Variants in ANKRD12 observed in about 807,000 individuals in gnomAD.
ANKRD12 encodes ankyrin repeat domain 12, also known as ankyrin repeat domain-containing protein 12.
In ANKRD12, 85 loss-of-function variants were observed where a neutral mutation model predicts 183.4. That is an observed-to-expected ratio of 0.46 (90% confidence interval 0.39 to 0.56). The LOEUF (loss-of-function observed/expected upper bound fraction) is 0.56. Among genes scored for constraint, ANKRD12 ranks in the 20% least tolerant of loss-of-function variants. ANKRD12 has a pLI of 0.00. For missense variants in ANKRD12, 2,405 were observed against 2,357.1 expected (o/e 1.02, Z -0.42); for synonymous variants, 914 against 800.2 (o/e 1.14, Z -2.40).
chr18:9,140,085 T>TG (rs2078264945), intron 1 of ANKRD12, among the ~76,000 whole-genome samples: 6 of 152,202 alleles, frequency 3.9e-5, no homozygotes, highest in Non-Finnish European at 8.8e-5. Context: ...TTCAGAACCT[T>TG]GCCTTCTATC....
intron 11 of ANKRD12, 137 bp downstream of exon 11, chr18:9,275,804 C>A: frequency 2.6e-6 from 2 of 780,422 alleles, no homozygotes; most frequent in Non-Finnish European, 3.8e-6. Flanking sequence ...CTCTTTCAAG[C>A]CAGAGTACTT....
At chr18:9,272,963 G>T (rs1429096886) in intron 10 of ANKRD12, among the ~76,000 whole-genome samples, 1 of 151,692 alleles carries the variant, frequency 6.6e-6, no homozygotes, top group South Asian at 2.1e-4. Context: ...GGAAACGTGG[G>T]GGTGGGGAGA....
chr18:9,237,640 C>A (rs1371145031), intron 8 of ANKRD12, among the ~76,000 whole-genome samples: 10 of 152,042 alleles, frequency 6.6e-5, no homozygotes, highest in Non-Finnish European at 1.5e-4. Context: ...TTCAAAAAAT[C>A]AAGAATAGTT....
At position 9,258,241 on chromosome 18, in the gene ANKRD12, G is replaced by A. The variant is rs760105679; in HGVS notation, c.4974G>A (p.Gly1658=). The change falls in exon 9 of 13, where the codon GGG becomes GGA. Residue 1658 remains glycine (G), a synonymous_variant. Transcript: ENST00000262126. ...CTGATTTATGTGAAATGAATGCAGG[G>A]ATGCCAAAAGGAAACCTAAATGAAC... ...CDSDLCEMNA[G]MPKGNLNEQD... 1 of 1,613,772 alleles carries A rather than the reference G, an allele frequency of 6.2e-7. No homozygotes were observed. Among genetic ancestry groups the A allele is most frequent in the South Asian group, 1.1e-5 (1 of 91,068 alleles).
At chr18:9,193,474 T>C (rs1295506686) in intron 2 of ANKRD12, among the ~76,000 whole-genome samples, 3 of 152,080 alleles carry the variant, frequency 2.0e-5, no homozygotes. Flanking sequence ...CTTTTTAATA[T>C]TCCCTCTCTA....
At chr18:9,162,257 C>T (rs2031528058) in intron 1 of ANKRD12, among the ~76,000 whole-genome samples, 1 of 136,932 alleles carries the variant, frequency 7.3e-6, no homozygotes, top group Non-Finnish European at 1.5e-5. Context: ...TCCATGTGTT[C>T]TCATCGTTGA....
chr18:9,139,801 A>C (rs1294468308), intron 1 of ANKRD12, among the ~76,000 whole-genome samples: 1 of 152,182 alleles, frequency 6.6e-6, no homozygotes, highest in African/African-American at 2.4e-5. Context: ...TGGGACAGGA[A>C]GGGACCTCTG....
intron 1 of ANKRD12, among the ~76,000 whole-genome samples, chr18:9,175,503 T>G (rs2033179236): frequency 6.7e-6 from 1 of 149,894 alleles, no homozygotes; most frequent in African/African-American, 2.5e-5. Flanking sequence ...GATCACTTGA[T>G]CAGTTTTTCA....
intron 2 of ANKRD12, among the ~76,000 whole-genome samples, chr18:9,192,520 A>G (rs766786383): frequency 4.3e-4 from 65 of 152,226 alleles, no homozygotes; most frequent in Non-Finnish European, 7.5e-4. Flanking sequence ...TTTGGTATCA[A>G]TTTCATTTTA....
intron 1 of ANKRD12, among the ~76,000 whole-genome samples, chr18:9,159,145 A>G (rs914721814): frequency 6.6e-6 from 1 of 152,182 alleles, no homozygotes; most frequent in African/African-American, 2.4e-5. Flanking sequence ...TTAATAACCA[A>G]GATCTGCATT....
At chr18:9,159,595 C>CT (rs1318335126) in intron 1 of ANKRD12, among the ~76,000 whole-genome samples, 3 of 64,218 alleles carry the variant, frequency 4.7e-5, no homozygotes, top group African/African-American at 1.5e-4. Flanking sequence ...CCACGCCTGG[C>CT]TAAATTTTTT....
chr18:9,208,376 G>A (rs775444533), intron 4 of ANKRD12, among the ~76,000 whole-genome samples: 3 of 152,128 alleles, frequency 2.0e-5, no homozygotes, highest in Non-Finnish European at 4.4e-5. Context: ...AATTTTACTA[G>A]AACAAGTCAT....
At chr18:9,192,885 C>T (rs2034543075) in intron 2 of ANKRD12, among the ~76,000 whole-genome samples, 1 of 151,832 alleles carries the variant, frequency 6.6e-6, no homozygotes, top group East Asian at 1.9e-4. Context: ...GGTCTCACCA[C>T]GTTGCCCAGG....
intron 8 of ANKRD12, among the ~76,000 whole-genome samples, chr18:9,238,547 G>A (rs1454615720): frequency 6.6e-6 from 1 of 152,158 alleles, no homozygotes; most frequent in Non-Finnish European, 1.5e-5. Flanking sequence ...ACACTCGAGA[G>A]TCATCTAAAC....
At chr18:9,207,145 A>T (rs958788541) in intron 4 of ANKRD12, among the ~76,000 whole-genome samples, 13 of 152,102 alleles carry the variant, frequency 8.5e-5, no homozygotes, top group Non-Finnish European at 7.4e-5. Flanking sequence ...AGATATGCAG[A>T]AAATTAGGAG....
chr18:9,182,329 C>T (rs1034724085), intron 1 of ANKRD12, 53 bp from the exon 2 acceptor site: 7 of 88,116 alleles, frequency 7.9e-5, no homozygotes, highest in Non-Finnish European at 1.3e-4. Flanking sequence ...AATTGTGGTG[C>T]GTAACCTATT....
At chr18:9,188,744 T>A (rs1242856639) in intron 2 of ANKRD12, among the ~76,000 whole-genome samples, 1 of 152,242 alleles carries the variant, frequency 6.6e-6, no homozygotes, top group African/African-American at 2.4e-5. Context: ...ATTATCATGA[T>A]GATGATTAGT....
At chr18:9,263,927 C>G (rs2039129342) in intron 10 of ANKRD12, 39 bp downstream of exon 10, 1 of 1,305,558 alleles carries the variant, frequency 7.7e-7, no homozygotes, top group Non-Finnish European at 1.0e-6. Context: ...CTAAAAATAA[C>G]TGGTTTCTAG....
intron 8 of ANKRD12, 102 bp from the exon 9 acceptor site, chr18:9,254,109 T>C: frequency 8.1e-7 from 1 of 1,231,878 alleles, no homozygotes; most frequent in Non-Finnish European, 1.1e-6. Flanking sequence ...TTGTTTGAAA[T>C]ATGTATTGTA....
Sources: gnomAD v4.1 joint callset for allele counts (sites outside exome capture counted in the v4.1 genomes callset) on GRCh38, gnomAD v4.1.1 for gene constraint, MANE v1.5 for transcripts, NCBI Gene and HGNC (gene_info 2026-07-23, HGNC 2026-07-21) for gene names.